ERC2: variants seen among roughly 807,000 people sequenced by gnomAD.
ERC2 encodes the protein ELKS/RAB6-interacting/CAST family member 2, also known as ERC protein 2.
Under a neutral mutation model 114.8 loss-of-function variants are expected in ERC2, and 42 were observed. The ratio of observed to expected loss-of-function variants is 0.37; its 90% CI spans 0.29 to 0.47. The LOEUF is 0.47. Among genes scored for constraint, ERC2 ranks in the 20% least tolerant of loss-of-function variants. The probability of loss-of-function intolerance (pLI) is 0.99; values close to 1 mark genes in which losing one functional copy is unlikely to be tolerated. For synonymous variants in ERC2, 454 were observed against 425.5 expected (o/e 1.07, Z -0.82); for missense variants, 939 against 1,150.7 (o/e 0.82, Z 2.66).
chr3:55,591,049 G>A (rs2002504), intron 17 of ERC2, among the ~76,000 whole-genome samples: 39,163 of 151,944 alleles, frequency 0.26, 5,530 homozygotes, highest in East Asian at 0.64. Flanking sequence ...GGCTGGTCTC[G>A]AACTCCTGAC....
intron 3 of ERC2, among the ~76,000 whole-genome samples, chr3:56,295,106 G>C (rs1390571062): frequency 7.2e-5 from 11 of 152,164 alleles, no homozygotes; most frequent in African/African-American, 2.4e-4. Context: ...CATCTGAACA[G>C]GTATACTGCC....
At chr3:56,302,042 T>C (rs889060621) in intron 2 of ERC2, among the ~76,000 whole-genome samples, 3 of 152,172 alleles carry the variant, frequency 2.0e-5, no homozygotes, top group Non-Finnish European at 2.9e-5. Context: ...ACATAAACCA[T>C]CTGCTGCCAG....
chr3:56,420,964 A>G (rs2061367504), intron 2 of ERC2, among the ~76,000 whole-genome samples: 2 of 152,158 alleles, frequency 1.3e-5, no homozygotes, highest in South Asian at 2.1e-4. Flanking sequence ...GACTGTTTTA[A>G]TTCCATCAAG....
intron 3 of ERC2, among the ~76,000 whole-genome samples, chr3:56,201,646 C>T (rs1038290599): frequency 1.3e-5 from 2 of 152,192 alleles, no homozygotes; most frequent in African/African-American, 4.8e-5. Flanking sequence ...TGATCAAAGC[C>T]ATTTGCTTCA....
At position 55,868,061 on chromosome 3, in the gene ERC2, C is replaced by T. The variant is rs953099474; in HGVS notation, c.2564+20328G>A. Among the ~76,000 whole-genome samples the T allele has an allele frequency of 3.9e-5, 6 of 152,186 alleles. No individual in the cohort carries two copies. The East Asian group carries it at 7.7e-4, about 20-fold the overall frequency. ...TGGCCCTACCATGACGATAGCTTAC[C>T]TCCTCCTCCTCCTCTCTCCTGCTTT... On this transcript the variant is annotated intron_variant, in intron 14 of 17. Coordinates refer to ENST00000288221, the MANE Select transcript of ERC2 (RefSeq NM_015576.3).
chr3:55,656,304 A>T (rs1397820569), intron 17 of ERC2, among the ~76,000 whole-genome samples: 1 of 151,544 alleles, frequency 6.6e-6, no homozygotes, highest in Non-Finnish European at 1.5e-5. Context: ...ACTTCCAACT[A>T]TTTTTTTTGT....
chr3:55,784,502 C>T lies in ERC2; in HGVS notation c.2565-49584G>A, dbSNP rs763933073. ...TCATATCAACAACATGACCTTGTGACGTTGAAATTCTTTATAGGAGCTCAT... is the reference window on the plus strand; with the variant it reads ...TCATATCAACAACATGACCTTGTGATGTTGAAATTCTTTATAGGAGCTCAT... On this transcript the variant is annotated intron_variant, in intron 14 of 17. Coordinates refer to ENST00000288221, the MANE Select transcript of ERC2 (RefSeq NM_015576.3). 4.6e-5 allele frequency among the ~76,000 whole-genome samples: 7 copies of T among 152,160 alleles called. 1 individual carries two copies. The highest frequency in any genetic ancestry group is 1.3e-4 in the Admixed American group (2 of 15,282).
chr3:56,157,530 G>A (rs2081800564), intron 4 of ERC2, among the ~76,000 whole-genome samples: 1 of 152,142 alleles, frequency 6.6e-6, no homozygotes, highest in Non-Finnish European at 1.5e-5. Context: ...ATTTTAGGGA[G>A]CCTAAAAAGA....
At chr3:56,177,658 G>A (rs938069919) in intron 3 of ERC2, among the ~76,000 whole-genome samples, 2 of 152,128 alleles carry the variant, frequency 1.3e-5, no homozygotes, top group African/African-American at 2.4e-5. Flanking sequence ...GCCAGACTTT[G>A]GGCTGATAAC....
intron 15 of ERC2, among the ~76,000 whole-genome samples, chr3:55,705,611 T>C (rs936149080): frequency 1.3e-5 from 2 of 150,560 alleles, no homozygotes; most frequent in African/African-American, 4.9e-5. Flanking sequence ...TCTGTGTGTT[T>C]ACAGATATCT....
chr3:56,004,382 A>G (rs1203423907), intron 10 of ERC2, among the ~76,000 whole-genome samples: 1 of 152,072 alleles, frequency 6.6e-6, no homozygotes, highest in Non-Finnish European at 1.5e-5. Context: ...CCTCACTAAT[A>G]TCAGTAAAAA....
intron 3 of ERC2, among the ~76,000 whole-genome samples, chr3:56,196,774 A>AAGAT (rs1392835428): frequency 5.3e-5 from 8 of 152,126 alleles, no homozygotes; most frequent in Non-Finnish European, 1.0e-4. Context: ...ATGTTTCTTC[A>AAGAT]AGATAGTAAA....
At chr3:56,453,973 A>T (rs1259307967) in intron 1 of ERC2, among the ~76,000 whole-genome samples, 2 of 152,162 alleles carry the variant, frequency 1.3e-5, no homozygotes, top group Non-Finnish European at 2.9e-5. Flanking sequence ...TAACTGACCC[A>T]AGCATGCCTC....
chr3:55,644,375 G>C (rs1288391163), intron 17 of ERC2, among the ~76,000 whole-genome samples: 1 of 152,140 alleles, frequency 6.6e-6, no homozygotes, highest in Non-Finnish European at 1.5e-5. Context: ...AAAAAATGTG[G>C]CATGGTATAT....
At position 55,640,983 on chromosome 3, in the gene ERC2, C is replaced by T. The variant is rs147354900; in HGVS notation, c.*39+42811G>A. On this transcript the variant is annotated intron_variant, in intron 17 of 17. Coordinates refer to ENST00000288221, the MANE Select transcript of ERC2 (RefSeq NM_015576.3). ...AGTAATTGGTTCATGGATAGGAACG[C>T]GACAAAAGTTGATACAATGACAATC... Among the ~76,000 whole-genome samples, 714 of 152,226 alleles carry T rather than the reference C, an allele frequency of 4.7e-3. 2 individuals are homozygous for T. The highest frequency in any genetic ancestry group is 0.012 in the African/African-American group (481 of 41,526).
intron 3 of ERC2, among the ~76,000 whole-genome samples, chr3:56,215,137 T>G (rs1287088828): frequency 6.6e-6 from 1 of 152,048 alleles, no homozygotes; most frequent in Non-Finnish European, 1.5e-5. Context: ...AATTCACACA[T>G]AACAATATTA....
At chr3:55,738,683 A>C (rs1381233428) in intron 14 of ERC2, among the ~76,000 whole-genome samples, 2 of 152,026 alleles carry the variant, frequency 1.3e-5, no homozygotes, top group African/African-American at 2.4e-5. Flanking sequence ...GCTTTAACCC[A>C]TTTTCCTTTT....
At chr3:56,460,007 G>A (rs963990342) in intron 1 of ERC2, among the ~76,000 whole-genome samples, 2 of 152,214 alleles carry the variant, frequency 1.3e-5, no homozygotes, top group African/African-American at 4.8e-5. Context: ...GCAGAACTTT[G>A]AGGCACGCCC....
intron 6 of ERC2, among the ~76,000 whole-genome samples, chr3:56,124,793 T>A (rs2079782747): frequency 6.6e-6 from 1 of 152,008 alleles, no homozygotes; most frequent in African/African-American, 2.4e-5. Context: ...GAAATGGAGA[T>A]GAGAAATATG....
Sources: gnomAD v4.1 joint callset for allele counts (sites outside exome capture counted in the v4.1 genomes callset) on GRCh38, gnomAD v4.1.1 for gene constraint, MANE v1.5 for transcripts, NCBI Gene and HGNC (gene_info 2026-07-23, HGNC 2026-07-21) for gene names.